The following PUDP variants were observed in gnomAD, a reference collection of about 807,000 sequenced individuals.
PUDP encodes the protein pseudouridine 5'-phosphatase, also known as pseudouridine-5'-phosphatase.
A neutral mutation model predicts 9.4 loss-of-function variants in PUDP; 8 were observed. The ratio of observed to expected loss-of-function variants is 0.85; its 90% CI spans 0.50 to 1.53. The LOEUF is 1.53. Among genes scored for constraint, PUDP ranks in the 40% most tolerant of loss-of-function variants. The pLI, the probability that PUDP is intolerant of heterozygous loss-of-function variation, is 0.00. For missense variants in PUDP, 188 were observed against 189.7 expected (o/e 0.99, Z 0.05); for synonymous variants, 99 against 80.7 (o/e 1.23, Z -1.22).
chrX:6,951,726 T>A (rs748653697), intron 3 of PUDP, among the ~76,000 whole-genome samples: 5 of 112,290 alleles, frequency 4.5e-5, no homozygotes, highest in Non-Finnish European at 9.4e-5. Context: ...GTGCCTGGCT[T>A]ACAACTGCAG....
intron 3 of PUDP, among the ~76,000 whole-genome samples, chrX:6,823,787 C>A (rs1926381760): frequency 8.9e-6 from 1 of 112,816 alleles, no homozygotes; most frequent in African/African-American, 3.2e-5. Flanking sequence ...AAGGGGTGGG[C>A]AATTCCTGGA....
In PUDP at chrX:7,023,519, GTA is replaced by G. The variant is rs1203428613; in HGVS notation, c.205-45178_205-45177del. Among the ~76,000 whole-genome samples, 3 of 112,284 alleles carry G rather than the reference GTA, an allele frequency of 2.7e-5. No individual in the cohort carries two copies. The East Asian group carries it at 8.4e-4, about 31-fold the overall frequency. On this transcript the variant is annotated intron_variant and NMD_transcript_variant, in intron 1 of 3. Transcript: ENST00000655425. ...TATCTTGAGTAACATTAGGATGCAT[GTA>G]TGTTTATTTGTATGTATTATTTGTA... is the stretch of plus-strand genomic sequence containing the variant.
chrX:6,735,619 A>C (rs1924862503), intron 3 of PUDP, among the ~76,000 whole-genome samples: 1 of 111,911 alleles, frequency 8.9e-6, no homozygotes, highest in African/African-American at 3.2e-5. Context: ...ATTACTAACA[A>C]CTGCAGTCTC....
chrX:6,959,989 GA>G (rs1175064636), intron 3 of PUDP, among the ~76,000 whole-genome samples: 4 of 112,299 alleles, frequency 3.6e-5, no homozygotes, highest in African/African-American at 6.5e-5. Flanking sequence ...ATTGTATTTG[GA>G]AAGTAGATAT....
chrX:6,890,478 A>G (rs754912633), intron 3 of PUDP, among the ~76,000 whole-genome samples: 3 of 112,083 alleles, frequency 2.7e-5, no homozygotes, highest in Non-Finnish European at 5.6e-5. Flanking sequence ...CACCTGATGC[A>G]TAGGTTCCCA....
intron 3 of PUDP, among the ~76,000 whole-genome samples, chrX:6,868,612 T>C (rs960900502): frequency 8.9e-6 from 1 of 112,610 alleles, no homozygotes; most frequent in Non-Finnish European, 1.9e-5. Context: ...TCTATACAAA[T>C]GTCTTTTCTT....
At chrX:6,944,856 A>G (rs1439795893) in intron 3 of PUDP, among the ~76,000 whole-genome samples, 1 of 111,324 alleles carries the variant, frequency 9.0e-6, no homozygotes, top group Non-Finnish European at 1.9e-5. Context: ...CATGGACCAG[A>G]GCTCAGCATT....
At chrX:6,720,287 T>TATATATATATATATAC (rs1162322257) in intron 1 of PUDP, among the ~76,000 whole-genome samples, 1 of 83,152 alleles carries the variant, frequency 1.2e-5, no homozygotes, top group Non-Finnish European at 2.2e-5. Flanking sequence ...TATATATATA[T>TATATATATATATATAC]ACACACACAC....
chrX:6,935,922 A>C (rs1176271228), intron 3 of PUDP, among the ~76,000 whole-genome samples: 1 of 95,912 alleles, frequency 1.0e-5, no homozygotes, highest in Non-Finnish European at 2.1e-5. Flanking sequence ...CACTCTCCCA[A>C]GACTAAACCA....
At chrX:7,099,900 C>A (rs765956018) in intron 2 of PUDP, among the ~76,000 whole-genome samples, 30 of 110,920 alleles carry the variant, frequency 2.7e-4, no homozygotes, top group African/African-American at 9.5e-4. Flanking sequence ...GGCAGACACA[C>A]CCTGCAGCAT....
At chrX:6,842,664 A>C (rs1212928811) in intron 3 of PUDP, among the ~76,000 whole-genome samples, 1 of 112,904 alleles carries the variant, frequency 8.9e-6, no homozygotes, top group Non-Finnish European at 1.9e-5. Flanking sequence ...TTGAACTATT[A>C]CATATATTGT....
chrX:7,056,350 G>C, intron 3 of PUDP, among the ~76,000 whole-genome samples: 1 of 111,927 alleles, frequency 8.9e-6, no homozygotes, highest in Non-Finnish European at 1.9e-5. Flanking sequence ...ACTGGGGTTT[G>C]GTCCAGGGGA....
chrX:7,132,296 T>G (rs1932642629), intron 1 of PUDP, among the ~76,000 whole-genome samples: 1 of 111,946 alleles, frequency 8.9e-6, no homozygotes, highest in Non-Finnish European at 1.9e-5. Context: ...CTTTTGAACT[T>G]AAAGCTCTCT....
At chrX:7,106,604 T>C (rs759842644) in intron 1 of PUDP, among the ~76,000 whole-genome samples, 15 of 112,138 alleles carry the variant, frequency 1.3e-4, no homozygotes, top group African/African-American at 1.9e-4. Flanking sequence ...ATATTTAATA[T>C]ATACATAGTA....
chrX:7,019,132 C>T (rs1226590874), intron 1 of PUDP, among the ~76,000 whole-genome samples: 1 of 111,034 alleles, frequency 9.0e-6, no homozygotes, highest in Non-Finnish European at 1.9e-5. Flanking sequence ...GAATGCCCTA[C>T]TCTGTCTATG....
At chrX:6,750,067 C>G (rs1052067259) in intron 3 of PUDP, among the ~76,000 whole-genome samples, 4 of 112,067 alleles carry the variant, frequency 3.6e-5, no homozygotes, top group Admixed American at 9.4e-5. Context: ...GGATGGTACA[C>G]ACTCGTTGAA....
At chrX:6,745,166 G>A (rs1189519610) in intron 3 of PUDP, among the ~76,000 whole-genome samples, 1 of 111,918 alleles carries the variant, frequency 8.9e-6, no homozygotes, top group Admixed American at 9.5e-5. Flanking sequence ...AAGTACAAAT[G>A]TGACTGTACT....
chrX:6,795,582 C>T lies in PUDP; in HGVS notation c.*248-89116G>A, dbSNP rs1279158832. Among the ~76,000 whole-genome samples, 5 of 111,337 alleles carry T rather than the reference C, an allele frequency of 4.5e-5. No homozygotes were observed. The Admixed American group carries it at 4.8e-4, about 11-fold the overall frequency. ...ATACTTATCATGACCAGTAAGCCTA[C>T]ATGGCCTCTTCTCTAGGGGGAGATA... On this transcript the variant is annotated intron_variant and NMD_transcript_variant, in intron 3 of 3. Coordinates refer to the PUDP transcript ENST00000655425.
intron 1 of PUDP, among the ~76,000 whole-genome samples, chrX:7,136,143 C>T (rs1179353779): frequency 1.8e-5 from 2 of 111,889 alleles, no homozygotes; most frequent in Non-Finnish European, 3.8e-5. Flanking sequence ...CCTGGTGGAA[C>T]ATCCTACATT....
Sources: allele counts gnomAD v4.1 joint callset (sites outside exome capture counted in the v4.1 genomes callset), GRCh38; gene constraint gnomAD v4.1.1; transcripts MANE v1.5; gene names NCBI Gene and HGNC (gene_info 2026-07-23, HGNC 2026-07-21).